ROR2: variants seen among roughly 807,000 people sequenced by gnomAD.
ROR2 encodes the protein ROR family WNT receptor 2.
Under a neutral mutation model 74.9 loss-of-function variants are expected in ROR2, and 33 were observed. That is an observed-to-expected ratio of 0.44 (90% CI 0.33 to 0.59). ROR2 has a LOEUF of 0.59. Ranked by LOEUF, ROR2 falls within the 20% of genes least tolerant of loss-of-function variation. The probability of loss-of-function intolerance (pLI) is 0.02; values close to 1 mark genes in which losing one functional copy is unlikely to be tolerated. For synonymous variants in ROR2, 586 were observed against 558.7 expected, an observed-to-expected ratio of 1.05 and a Z score of -0.69; for missense variants, 1,216 against 1,313.8, an observed-to-expected ratio of 0.93 and a Z score of 1.15.
At position 91,725,060 on chromosome 9, in the gene ROR2, C is replaced by T. The variant is rs760726319; in HGVS notation, c.1434G>A (p.Glu478=). The part of the protein sequence containing the change: ...ISLSAVRFME[E]LGEDRFGKVY... ...CTTTCCCAAACCGGTCCTCTCCCAG[C>T]TCCTCCATGAACCTCACCGCAGACA... Residue 478 remains glutamate (E), a synonymous_variant, in exon 9 of 9, where the codon GAG becomes GAA. Transcript: ENST00000375708. 7.4e-6 allele frequency: 12 copies of T among 1,613,996 alleles called. No homozygotes were observed. Among genetic ancestry groups the T allele is most frequent in the Non-Finnish European group, 1.0e-5 (12 of 1,180,048 alleles).
intron 1 of ROR2, among the ~76,000 whole-genome samples, chr9:91,801,209 T>C (rs1827366077): frequency 1.3e-5 from 2 of 152,232 alleles, no homozygotes; most frequent in African/African-American, 4.8e-5. Context: ...GTTTCCATAG[T>C]TTACTGCTCT....
At chr9:91,923,256 GGA>G (rs1302495276) in intron 1 of ROR2, among the ~76,000 whole-genome samples, 1 of 152,226 alleles carries the variant, frequency 6.6e-6, no homozygotes, top group African/African-American at 2.4e-5. Context: ...CTGTGAAGAG[GGA>G]GAGTGTCTCT....
At chr9:91,806,452 C>T (rs1827549761) in intron 1 of ROR2, among the ~76,000 whole-genome samples, 1 of 152,214 alleles carries the variant, frequency 6.6e-6, no homozygotes, top group South Asian at 2.1e-4. Context: ...AATACCATCA[C>T]CTTGGGGGTG....
chr9:91,855,578 T>C (rs1321055431), intron 1 of ROR2, among the ~76,000 whole-genome samples: 1 of 151,818 alleles, frequency 6.6e-6, no homozygotes, highest in African/African-American at 2.4e-5. Context: ...GGTAAGCATC[T>C]TAGAGAAGGA....
chr9:91,740,589 T>TAC (rs1825201514), intron 4 of ROR2, among the ~76,000 whole-genome samples: 1 of 150,568 alleles, frequency 6.6e-6, no homozygotes, highest in African/African-American at 2.5e-5. Context: ...TATATATATA[T>TAC]ACATATATAT....
At chr9:91,844,877 G>A (rs1030648058) in intron 1 of ROR2, among the ~76,000 whole-genome samples, 2 of 152,208 alleles carry the variant, frequency 1.3e-5, no homozygotes, top group African/African-American at 4.8e-5. Flanking sequence ...GGACAGGGAA[G>A]GCGGGGCGGG....
chr9:91,771,395 G>A (rs1053818187), intron 2 of ROR2, among the ~76,000 whole-genome samples: 6 of 152,206 alleles, frequency 3.9e-5, no homozygotes, highest in African/African-American at 1.4e-4. Context: ...GTCTTGGAAC[G>A]AAAGAGCATG....
intron 6 of ROR2, among the ~76,000 whole-genome samples, chr9:91,731,365 A>G (rs1276511552): frequency 6.6e-6 from 1 of 152,174 alleles, no homozygotes; most frequent in Non-Finnish European, 1.5e-5. Context: ...AAACTTGTCT[A>G]AAGTTATTCC....
intron 1 of ROR2, among the ~76,000 whole-genome samples, chr9:91,941,132 G>T (rs1831850829): frequency 2.6e-5 from 4 of 151,506 alleles, no homozygotes; most frequent in Admixed American, 6.6e-5. Context: ...CAAGTAGCTG[G>T]GACTACAGGC....
intron 1 of ROR2, among the ~76,000 whole-genome samples, chr9:91,915,655 C>CG (rs376083614): frequency 4.5e-4 from 59 of 130,656 alleles, no homozygotes; most frequent in African/African-American, 1.7e-3. Flanking sequence ...AGGTGGGGGG[C>CG]GGGGGGAGGT....
At chr9:91,894,338 A>G (rs1564024769) in intron 1 of ROR2, among the ~76,000 whole-genome samples, 2 of 152,280 alleles carry the variant, frequency 1.3e-5, no homozygotes, top group East Asian at 3.9e-4. Flanking sequence ...GCATCATAAC[A>G]TGTGTGTCTG....
chr9:91,848,600 C>T (rs1290673058), intron 1 of ROR2, among the ~76,000 whole-genome samples: 1 of 151,904 alleles, frequency 6.6e-6, no homozygotes, highest in Non-Finnish European at 1.5e-5. Context: ...ACTAAAAATA[C>T]AAAATTAGCC....
chr9:91,887,786 C>CT (rs1378559628), intron 1 of ROR2, among the ~76,000 whole-genome samples: 3 of 103,290 alleles, frequency 2.9e-5, no homozygotes, highest in Non-Finnish European at 5.4e-5. Context: ...CACTTTTTTT[C>CT]TCTTTTTTTT....
At chr9:91,813,465 G>T (rs1474048280) in intron 1 of ROR2, among the ~76,000 whole-genome samples, 1 of 152,180 alleles carries the variant, frequency 6.6e-6, no homozygotes, top group African/African-American at 2.4e-5. Context: ...GCCGTCTGTG[G>T]AACAGCACTC....
intron 2 of ROR2, among the ~76,000 whole-genome samples, chr9:91,760,788 A>G (rs1307017773): frequency 3.3e-5 from 5 of 152,080 alleles, no homozygotes; most frequent in Non-Finnish European, 7.4e-5. Flanking sequence ...AAAACTACCC[A>G]CTTCATGATA....
At chr9:91,735,606 CTTTTTTTTTTTTTTTTTTTTTT>C (rs35146225) in intron 5 of ROR2, among the ~76,000 whole-genome samples, 32 of 79,012 alleles carry the variant, frequency 4.1e-4, no homozygotes, top group African/African-American at 1.4e-3. Context: ...AGGGCTCTAA[CTTTTTTTTTTTTTTTTTTTTTT>C]TTTTTTTTTT....
At chr9:91,941,547 G>C (rs575833175) in intron 1 of ROR2, among the ~76,000 whole-genome samples, 67 of 152,270 alleles carry the variant, frequency 4.4e-4, no homozygotes, top group African/African-American at 1.6e-3. Context: ...ACTCAGGAAA[G>C]ACAAGTCTGA....
chr9:91,813,342 G>C (rs1295004107), intron 1 of ROR2, among the ~76,000 whole-genome samples: 1 of 152,142 alleles, frequency 6.6e-6, no homozygotes, highest in Non-Finnish European at 1.5e-5. Context: ...ACAAAACTCT[G>C]ACTTGTCTAA....
At chr9:91,739,597 C>T (rs1269442419) in intron 4 of ROR2, among the ~76,000 whole-genome samples, 2 of 151,366 alleles carry the variant, frequency 1.3e-5, no homozygotes, top group Non-Finnish European at 2.9e-5. Context: ...CTTGCTAAGG[C>T]AGAGGCTGAA....
Sources: allele counts gnomAD v4.1 joint callset (sites outside exome capture counted in the v4.1 genomes callset), GRCh38; gene constraint gnomAD v4.1.1; transcripts MANE v1.5; gene names NCBI Gene and HGNC (gene_info 2026-07-23, HGNC 2026-07-21).